The following SORT1 variants were observed in gnomAD, a reference collection of about 807,000 sequenced individuals.
SORT1 encodes sortilin.
SORT1 carries 39 observed loss-of-function variants against 101.7 expected under a neutral mutation model. The observed-to-expected ratio is 0.38, with a 90% CI of 0.30 to 0.50. The LOEUF (loss-of-function observed/expected upper bound fraction) is 0.50. SORT1 is among the 20% of genes least tolerant of loss of function. The probability of loss-of-function intolerance (pLI) is 0.90; values close to 1 mark genes in which losing one functional copy is unlikely to be tolerated. For missense variants in SORT1, 878 were observed against 1,040.4 expected, an observed-to-expected ratio of 0.84 and a Z score of 2.15; for synonymous variants, 396 against 393.7, an observed-to-expected ratio of 1.01 and a Z score of -0.07.
intron 7 of SORT1, among the ~76,000 whole-genome samples, chr1:109,346,874 C>G (rs1276654792): frequency 6.6e-6 from 1 of 152,056 alleles, no homozygotes; most frequent in African/African-American, 2.4e-5. Flanking sequence ...GGGGGTCTTG[C>G]CACATTGCCC....
intron 3 of SORT1, among the ~76,000 whole-genome samples, chr1:109,360,328 CCT>C (rs1431968410): frequency 1.1e-4 from 17 of 151,944 alleles, no homozygotes; most frequent in African/African-American, 4.1e-4. Context: ...AGTGTAAGAC[CCT>C]GTGTCAAAAG....
chr1:109,328,526 T>A (rs1195124826), intron 11 of SORT1, among the ~76,000 whole-genome samples: 2 of 152,242 alleles, frequency 1.3e-5, no homozygotes, highest in African/African-American at 4.8e-5. Flanking sequence ...CTATATTGTG[T>A]TTGGAGAAAT....
At chr1:109,316,796 TAGC>T in intron 17 of SORT1, 51 bp downstream of exon 17, 1 of 1,154,236 alleles carries the variant, frequency 8.7e-7, no homozygotes, top group Admixed American at 2.0e-5. Context: ...TGATTTTTCT[TAGC>T]AGAACACAAA....
chr1:109,332,473 C>T (rs963914767), intron 11 of SORT1, among the ~76,000 whole-genome samples: 13 of 152,088 alleles, frequency 8.5e-5, no homozygotes, highest in African/African-American at 2.2e-4. Flanking sequence ...CTACTTGGGA[C>T]GTGGGAGGAT....
intron 6 of SORT1, among the ~76,000 whole-genome samples, chr1:109,347,808 A>G (rs1404342051): frequency 6.6e-6 from 1 of 152,128 alleles, no homozygotes; most frequent in Non-Finnish European, 1.5e-5. Flanking sequence ...TGCCTCTGAC[A>G]TTTTTGATCA....
chr1:109,339,572 G>T (rs2101577653), intron 10 of SORT1, among the ~76,000 whole-genome samples: 1 of 152,310 alleles, frequency 6.6e-6, no homozygotes, highest in East Asian at 1.9e-4. Flanking sequence ...TAGGAGTGCT[G>T]TTACAAAAAT....
chr1:109,368,190 A>T (rs1233861829), intron 2 of SORT1, among the ~76,000 whole-genome samples: 3 of 150,072 alleles, frequency 2.0e-5, no homozygotes, highest in African/African-American at 7.4e-5. Context: ...GCTTCTTGGG[A>T]GGCTGAGGCA....
chr1:109,317,831 A>G (rs1647331327), intron 16 of SORT1, 22 bp downstream of exon 16: 1 of 1,434,082 alleles, frequency 7.0e-7, no homozygotes, highest in South Asian at 1.1e-5. Context: ...CCATCGTGAC[A>G]AGGGAGAAAA....
chr1:109,317,083 C>T (rs1647268635), intron 16 of SORT1, 125 bp from the exon 17 acceptor site: 2 of 662,954 alleles, frequency 3.0e-6, no homozygotes, highest in African/African-American at 1.9e-5. Flanking sequence ...TGTTTCAGGC[C>T]TGGGGGGAAT....
intron 5 of SORT1, among the ~76,000 whole-genome samples, chr1:109,351,928 G>A (rs572888517): frequency 1.3e-5 from 2 of 151,900 alleles, no homozygotes; most frequent in East Asian, 1.9e-4. Flanking sequence ...ATAGTAGAAC[G>A]GGATGACTTC....
At position 109,354,443 on chromosome 1, in the gene SORT1, T is replaced by C; in HGVS notation, c.632A>G (p.Asp211Gly). The change falls in exon 5 of 20, where the codon GAT becomes GGT. Residue 211 changes from aspartate to glycine, a missense_variant. Physicochemically the swap from Asp to Gly is moderately conservative, Grantham distance 94. Coordinates refer to ENST00000256637, the MANE Select transcript of SORT1 (RefSeq NM_002959.7). Reference protein sequence around the residue: ...SDFAKNFVQTDLPFHPLTQMM... With the variant: ...SDFAKNFVQTGLPFHPLTQMM... ...CTGAGTGAGAGGATGAAAAGGGAGA[T>C]CTGTTTGCACAAAATTCTTCGCAAA... 1 of 1,613,224 alleles carries C rather than the reference T, an allele frequency of 6.2e-7. No homozygotes were observed. Among genetic ancestry groups the C allele is most frequent in the Non-Finnish European group, 8.5e-7 (1 of 1,179,222 alleles).
rs530160779 is a variant in SORT1 at position 109,358,987 on chromosome 1, A to C, written c.441-3518T>G. 3.9e-5 allele frequency among the ~76,000 whole-genome samples: 6 copies of C among 152,346 alleles called. No individual in the cohort carries two copies. In the East Asian group the frequency reaches 1.2e-3, roughly 29 times the overall value. ...CGGTGTAAACATGCACATGTTTATAACTCAAGAAAATAATGCTAAAATACA... is the reference window on the plus strand; with the variant it reads ...CGGTGTAAACATGCACATGTTTATACCTCAAGAAAATAATGCTAAAATACA... On this transcript the variant is annotated intron_variant, in intron 3 of 19. Transcript: ENST00000256637.
At chr1:109,342,305 C>A in intron 8 of SORT1, 147 bp from the exon 9 acceptor site, 2 of 652,244 alleles carry the variant, frequency 3.1e-6, no homozygotes, top group Non-Finnish European at 2.6e-6. Context: ...GTACCAATTA[C>A]CAAAGCAATT....
At chr1:109,350,413 T>A (rs1280771800) in intron 6 of SORT1, among the ~76,000 whole-genome samples, 3 of 152,076 alleles carry the variant, frequency 2.0e-5, no homozygotes, top group Non-Finnish European at 4.4e-5. Flanking sequence ...CTCCACTCCA[T>A]CCTCTTTAAG....
intron 1 of SORT1, among the ~76,000 whole-genome samples, chr1:109,382,566 T>G (rs931152391): frequency 1.3e-5 from 2 of 152,206 alleles, no homozygotes; most frequent in South Asian, 4.1e-4. Flanking sequence ...GTAGACCTCC[T>G]AATATCATTA....
chr1:109,326,022 ACAAT>A (rs1044682029), intron 13 of SORT1, among the ~76,000 whole-genome samples: 9 of 150,958 alleles, frequency 6.0e-5, no homozygotes, highest in Non-Finnish European at 1.0e-4. Flanking sequence ...TAAATAAATA[ACAAT>A]CAAATTATTT....
chr1:109,375,488 G>A (rs1041848316), intron 1 of SORT1, among the ~76,000 whole-genome samples: 2 of 142,468 alleles, frequency 1.4e-5, no homozygotes, highest in South Asian at 4.4e-4. Flanking sequence ...TGCCTGCAGT[G>A]AGCCGAGATC....
At chr1:109,362,482 A>G (rs113882967) in intron 3 of SORT1, among the ~76,000 whole-genome samples, 88 of 152,334 alleles carry the variant, frequency 5.8e-4, no homozygotes, top group African/African-American at 2.0e-3. Context: ...ATTTGAATTC[A>G]TAATAAACTT....
chr1:109,379,302 T>TA (rs796325806), intron 1 of SORT1, among the ~76,000 whole-genome samples: 1,904 of 141,940 alleles, frequency 0.013, 15 homozygotes, highest in Non-Finnish European at 0.016. Flanking sequence ...GCTAATTAGC[T>TA]AAAAAAAAAA....
Sources: gnomAD v4.1 joint callset for allele counts (sites outside exome capture counted in the v4.1 genomes callset) on GRCh38, gnomAD v4.1.1 for gene constraint, MANE v1.5 for transcripts, NCBI Gene and HGNC (gene_info 2026-07-23, HGNC 2026-07-21) for gene names.